The following FGF5 variants were observed in gnomAD, a reference collection of about 807,000 sequenced individuals.
FGF5 encodes the protein fibroblast growth factor 5, also known as heparin-binding growth factor 5.
Under a neutral mutation model 21.8 loss-of-function variants are expected in FGF5, and 23 were observed. The ratio of observed to expected loss-of-function variants is 1.05; its 90% CI spans 0.76 to 1.49. The LOEUF (loss-of-function observed/expected upper bound fraction) is 1.49. Among genes scored for constraint, FGF5 ranks in the 40% most tolerant of loss-of-function variants. The pLI, the probability that FGF5 is intolerant of heterozygous loss-of-function variation, is 0.00. For synonymous variants in FGF5, 158 were observed against 124.0 expected (o/e 1.27, Z -1.82); for missense variants, 352 against 332.9 (o/e 1.06, Z -0.45).
rs149079287 is a variant in FGF5 at position 80,286,435 on chromosome 4, G to T, written c.570G>T (p.Val190=). ...AAAAAACAGGGCGGGAGTGGTATGT[G>T]GCCCTGAATAAAAGAGGAAAAGCCA... ...RTEKTGREWY[V]ALNKRGKAKR... The change falls in exon 3 of 3, where the codon GTG becomes GTT. Residue 190 remains valine, a synonymous_variant. Transcript: ENST00000312465. 9 of 1,613,848 alleles carry T rather than the reference G, an allele frequency of 5.6e-6. No homozygotes were observed. The highest frequency in any genetic ancestry group is 7.6e-6 in the Non-Finnish European group (9 of 1,179,964).
rs113857771 is a variant in FGF5, at chr4:80,267,733, G to GTAGATAAATAGATAGATAGATAGA, written c.355+560_355+561insAATAGATAGATAGATAGATAGATA. Among the ~76,000 whole-genome samples, 490 of 151,062 alleles carry GTAGATAAATAGATAGATAGATAGA rather than the reference G, an allele frequency of 3.2e-3. 2 individuals carry two copies. The highest frequency in any genetic ancestry group is 0.011 in the African/African-American group (460 of 41,126). ...CTATGTATACAATGTATACACATAG[G>GTAGATAAATAGATAGATAGATAGA]TAGATAGATAGATAGATAGATAGAT... is the stretch of plus-strand genomic sequence containing the variant. On this transcript the variant is annotated intron_variant, in intron 1 of 2. Transcript: ENST00000312465.
chr4:80,267,072 C>T lies in FGF5; in HGVS notation c.248C>T (p.Pro83Leu). ...GAGCAGAGCAGTTTCCAGTGGAGCC[C>T]CTCGGGGCGCCGGACCGGCAGCCTC... ...GLEQSSFQWS[P>L]SGRRTGSLYC... is the part of the protein sequence containing the mutation. The change falls in exon 1 of 3, where the codon CCC (proline) becomes CTC (leucine). Residue 83 changes from proline to leucine, a missense_variant. Physicochemically the swap from Pro to Leu is moderately conservative, Grantham distance 98. Coordinates refer to ENST00000312465, the MANE Select transcript of FGF5 (RefSeq NM_004464.4). The T allele has an allele frequency of 1.2e-6, 2 of 1,614,224 alleles. No individual in the cohort carries two copies. Among genetic ancestry groups the T allele is most frequent in the South Asian group, 2.2e-5 (2 of 91,086 alleles).
chr4:80,269,107 AAGT>A (rs1461582985), intron 1 of FGF5, among the ~76,000 whole-genome samples: 3 of 152,020 alleles, frequency 2.0e-5, no homozygotes, highest in African/African-American at 7.3e-5. Context: ...GAGATGGAGC[AAGT>A]TAGGAACATC....
Position 80,266,774 on chromosome 4 carries a change from A to G in FGF5, c.-51A>G, listed in dbSNP as rs376367778. On this transcript the variant is annotated 5_prime_UTR_variant, in exon 1 of 3. Coordinates refer to ENST00000312465, the MANE Select transcript of FGF5 (RefSeq NM_004464.4). ...GCACGCAGCCGCACAGGGGCTACAG[A>G]GCCCAGAATCAGCCCTACAAGATGC... 3 of 1,446,526 alleles carry G rather than the reference A, an allele frequency of 2.1e-6. No individual in the cohort carries two copies. The highest frequency in any genetic ancestry group is 1.9e-6 in the Non-Finnish European group (2 of 1,074,960). 89.6% of individuals were successfully genotyped at this position (1,446,526 alleles called of 1,614,324 possible).
At position 80,276,080 on chromosome 4, in the gene FGF5, A is replaced by G. The variant is rs940026582; in HGVS notation, c.459+1068A>G. ...CTTTTATAATTTTACTTTTCTTAACATCTAAAGTGATTTGTTAATATCTTT... is the reference window on the plus strand; with the variant it reads ...CTTTTATAATTTTACTTTTCTTAACGTCTAAAGTGATTTGTTAATATCTTT... On this transcript the variant is annotated intron_variant, in intron 2 of 2. Coordinates refer to ENST00000312465, the MANE Select transcript of FGF5 (RefSeq NM_004464.4). Among the ~76,000 whole-genome samples the G allele has an allele frequency of 2.6e-5, 4 of 152,150 alleles. No homozygotes were observed. In the East Asian group the frequency reaches 5.8e-4, roughly 22 times the overall value.
chr4:80,285,497 T>G (rs561824754), intron 2 of FGF5, among the ~76,000 whole-genome samples: 1 of 152,294 alleles, frequency 6.6e-6, no homozygotes, highest in East Asian at 1.9e-4. Context: ...TGCCCTCTTC[T>G]TGGCCACCTC....
rs33950145 is a variant in FGF5, at chr4:80,266,984, A to G, written c.160A>G (p.Met54Val). The G allele has an allele frequency of 8.0e-3, 12,865 of 1,614,052 alleles. 824 individuals are homozygous for G. The African/African-American group carries it at 0.15, about 19-fold the overall frequency. The change falls in exon 1 of 3, where the codon ATG (methionine) becomes GTG (valine). Residue 54 changes from methionine (M) to valine (V), a missense_variant. Met to Val is a conservative substitution (Grantham distance 21). Transcript: ENST00000312465. ...SSSRQSSSSA[M>V]SSSSASSSPA... is the part of the protein sequence containing the mutation. Reference sequence around the variant, plus strand: ...CAGCAGACAGAGCAGCAGTAGCGCTATGTCTTCCTCTTCTGCCTCCTCCTC... The same window carrying G: ...CAGCAGACAGAGCAGCAGTAGCGCTGTGTCTTCCTCTTCTGCCTCCTCCTC...
chr4:80,286,921 T>C lies in FGF5; in HGVS notation c.*249T>C, dbSNP rs769867484. Reference sequence around the variant, plus strand: ...GACATAAAGCCTTTTGCTTTATGCTTGAGGGATATTTAGAACTTTGTATTT... The same window carrying C: ...GACATAAAGCCTTTTGCTTTATGCTCGAGGGATATTTAGAACTTTGTATTT... On this transcript the variant is annotated 3_prime_UTR_variant, in exon 3 of 3. Coordinates refer to ENST00000312465, the MANE Select transcript of FGF5 (RefSeq NM_004464.4). 2 of 382,696 alleles carry C rather than the reference T, an allele frequency of 5.2e-6. No homozygotes were observed. Among genetic ancestry groups the C allele is most frequent in the Non-Finnish European group, 9.4e-6 (2 of 212,422 alleles). 23.7% of individuals were successfully genotyped at this position (382,696 alleles called of 1,614,324 possible). A position where few individuals can be genotyped will look rare whatever the true frequency, so the allele number is the denominator to read the frequency against.
intron 1 of FGF5, 77 bp from the exon 2 acceptor site, chr4:80,274,832 A>G: frequency 1.5e-6 from 1 of 687,806 alleles, no homozygotes; most frequent in South Asian, 1.8e-5. Context: ...AATGGAAAGA[A>G]TCTATGTAGA....
chr4:80,266,966 C>T lies in FGF5; in HGVS notation c.142C>T (p.Gln48Ter), dbSNP rs774523989. 3.1e-6 allele frequency: 5 copies of T among 1,614,106 alleles called. No individual in the cohort carries two copies. The highest frequency in any genetic ancestry group is 4.2e-6 in the Non-Finnish European group (5 of 1,180,050). ...DRNPRGSSSR[Q>*]SSSSAMSSSS... The stretch of plus-strand genomic sequence containing the variant: ...GAACCCTAGAGGCTCCAGCAGCAGA[C>T]AGAGCAGCAGTAGCGCTATGTCTTC... Residue 48 changes from glutamine (Q) to a stop codon, truncating the protein, a stop_gained, in exon 1 of 3, where the codon CAG becomes TAG. Coordinates refer to ENST00000312465, the MANE Select transcript of FGF5 (RefSeq NM_004464.4). LOFTEE classifies it high-confidence loss of function.
rs761260486 is a variant in FGF5 at position 80,267,040 on chromosome 4, T to C, written c.216T>C (p.Ser72=). The C allele has an allele frequency of 6.8e-6, 11 of 1,614,112 alleles. No homozygotes were observed. In the African/African-American group the frequency reaches 1.5e-4, roughly 22 times the overall value. Residue 72 remains serine (S), a synonymous_variant, in exon 1 of 3, where the codon AGT becomes AGC. Coordinates refer to ENST00000312465, the MANE Select transcript of FGF5 (RefSeq NM_004464.4). Reference sequence around the variant, plus strand: ...CAGCTTCTCTGGGCAGCCAAGGAAGTGGCTTGGAGCAGAGCAGTTTCCAGT... The same window carrying C: ...CAGCTTCTCTGGGCAGCCAAGGAAGCGGCTTGGAGCAGAGCAGTTTCCAGT... ...SPAASLGSQG[S]GLEQSSFQWS...
chr4:80,289,759 T>C lies in FGF5; in HGVS notation c.*3087T>C, dbSNP rs4690149. ...TACAGGTGCATATTAATTTTCTTGG[T>C]TCTTTCAGCTGAATTATATTGGTCC... On this transcript the variant is annotated 3_prime_UTR_variant, in exon 3 of 3. Transcript: ENST00000312465. 2 of 152,112 alleles carry C rather than the reference T, an allele frequency of 1.3e-5. No homozygotes were observed. The highest frequency in any genetic ancestry group is 2.9e-5 in the Non-Finnish European group (2 of 67,998). 9.4% of individuals were successfully genotyped at this position (152,112 alleles called of 1,614,324 possible).
intron 1 of FGF5, 96 bp from the exon 2 acceptor site, chr4:80,274,813 A>G: frequency 1.6e-6 from 1 of 639,448 alleles, no homozygotes; most frequent in South Asian, 2.0e-5. Flanking sequence ...TAAAATCACA[A>G]TAATAAAGAA....
intron 1 of FGF5, among the ~76,000 whole-genome samples, chr4:80,270,634 C>G (rs1293851431): frequency 1.3e-5 from 2 of 152,118 alleles, no homozygotes; most frequent in South Asian, 4.1e-4. Flanking sequence ...TGCATGGAAA[C>G]AAATGGTTTG....
At chr4:80,275,905 T>C (rs1326957008) in intron 2 of FGF5, among the ~76,000 whole-genome samples, 1 of 152,048 alleles carries the variant, frequency 6.6e-6, no homozygotes, top group Non-Finnish European at 1.5e-5. Context: ...ATAGTCTTTA[T>C]TAAATAAATT....
intron 2 of FGF5, among the ~76,000 whole-genome samples, chr4:80,283,430 G>GT (rs1219663822): frequency 6.6e-6 from 1 of 152,132 alleles, no homozygotes; most frequent in Non-Finnish European, 1.5e-5. Flanking sequence ...TGAAACAATT[G>GT]TAGGGGGTGG....
In FGF5 at chr4:80,286,986, T is replaced by C; in HGVS notation, c.*314T>C. The C allele has an allele frequency of 4.5e-6, 1 of 222,826 alleles. No individual in the cohort carries two copies. The highest frequency in any genetic ancestry group is 5.2e-5 in the Admixed American group (1 of 19,168). The allele number at this position is 222,826 out of a possible 1,614,324, so 13.8% of individuals were successfully genotyped here. On this transcript the variant is annotated 3_prime_UTR_variant, in exon 3 of 3. Coordinates refer to ENST00000312465, the MANE Select transcript of FGF5 (RefSeq NM_004464.4). ...AACAGGGACTACGTATTTTTCTGAC[T>C]TTTACAGATTAACCTGAAAGAACAT...
At chr4:80,271,810 A>G (rs1389778274) in intron 1 of FGF5, among the ~76,000 whole-genome samples, 2 of 152,204 alleles carry the variant, frequency 1.3e-5, no homozygotes, top group African/African-American at 4.8e-5. Context: ...AGGTCAGAAA[A>G]TTACTGAAAT....
chr4:80,287,979 C>A lies in FGF5; in HGVS notation c.*1307C>A, dbSNP rs34759401. The A allele has an allele frequency of 6.4e-4, 98 of 152,184 alleles. No individual in the cohort carries two copies. Among genetic ancestry groups the A allele is most frequent in the African/African-American group, 2.3e-3 (94 of 41,518 alleles). The allele number at this position is 152,184 out of a possible 1,614,324, so 9.4% of individuals were successfully genotyped here. A position where few individuals can be genotyped will look rare whatever the true frequency, so the allele number is the denominator to read the frequency against. Reference sequence around the variant, plus strand: ...TTCAACCTAAATACTGACTGCTGGACATAAATCACAGAAAATTTAACTTAA... The same window carrying A: ...TTCAACCTAAATACTGACTGCTGGAAATAAATCACAGAAAATTTAACTTAA... On this transcript the variant is annotated 3_prime_UTR_variant, in exon 3 of 3. Coordinates refer to ENST00000312465, the MANE Select transcript of FGF5 (RefSeq NM_004464.4).
Sources: gnomAD v4.1 joint callset for allele counts (sites outside exome capture counted in the v4.1 genomes callset) on GRCh38, gnomAD v4.1.1 for gene constraint, MANE v1.5 for transcripts, NCBI Gene and HGNC (gene_info 2026-07-23, HGNC 2026-07-21) for gene names.